MINDY3: variants seen among roughly 807,000 people sequenced by gnomAD.
The protein encoded by MINDY3 is MINDY lysine 48 deubiquitinase 3.
Under a neutral mutation model 69.2 loss-of-function variants are expected in MINDY3, and 38 were observed. The observed-to-expected ratio is 0.55, with a 90% CI of 0.42 to 0.72. The LOEUF is 0.72. Among genes scored for constraint, MINDY3 ranks in the 30% least tolerant of loss-of-function variants. The pLI is 0.00. For missense variants in MINDY3, 522 were observed against 519.0 expected (o/e 1.01, Z -0.06); for synonymous variants, 192 against 180.1 (o/e 1.07, Z -0.53).
intron 13 of MINDY3, among the ~76,000 whole-genome samples, chr10:15,785,593 T>C (rs1242731720): frequency 6.6e-6 from 1 of 152,106 alleles, no homozygotes; most frequent in African/African-American, 2.4e-5. Context: ...AAGGGTCTAA[T>C]GTCGGACAAT....
intron 10 of MINDY3, among the ~76,000 whole-genome samples, chr10:15,811,962 G>C (rs1839032360): frequency 6.6e-6 from 1 of 150,996 alleles, no homozygotes; most frequent in African/African-American, 2.4e-5. Context: ...TTTTTTTTGA[G>C]ATGGAGTCTT....
intron 1 of MINDY3, among the ~76,000 whole-genome samples, chr10:15,856,734 T>C (rs969079526): frequency 6.6e-6 from 1 of 152,160 alleles, no homozygotes; most frequent in Non-Finnish European, 1.5e-5. Flanking sequence ...CAATCAATAT[T>C]GAAAAGAAAA....
chr10:15,781,612 T>C (rs954356981), intron 14 of MINDY3, among the ~76,000 whole-genome samples: 22 of 152,116 alleles, frequency 1.4e-4, no homozygotes, highest in African/African-American at 5.3e-4. Flanking sequence ...GCATGGTCTC[T>C]GAGCTGGACT....
chr10:15,854,031 T>C (rs751765657), intron 1 of MINDY3, among the ~76,000 whole-genome samples: 16 of 152,228 alleles, frequency 1.1e-4, no homozygotes, highest in Admixed American at 4.6e-4. Flanking sequence ...ACTTGGAAGA[T>C]TGTCATAAAC....
intron 11 of MINDY3, among the ~76,000 whole-genome samples, chr10:15,795,218 A>G (rs1378215083): frequency 1.3e-5 from 2 of 152,070 alleles, no homozygotes; most frequent in African/African-American, 4.8e-5. Flanking sequence ...AACTAGTTAC[A>G]GTTGTTCTAA....
chr10:15,820,592 G>A lies in MINDY3; in HGVS notation c.801+1064C>T, dbSNP rs187249575. On this transcript the variant is annotated intron_variant, in intron 9 of 14. Coordinates refer to ENST00000277632, the MANE Select transcript of MINDY3 (RefSeq NM_024948.4). ...TTTAGTTTACACAATTAAAGTCACC[G>A]AAGATAAAAGTCACTGAAAATACTG... Among the ~76,000 whole-genome samples, 603 of 152,242 alleles carry A rather than the reference G, an allele frequency of 4.0e-3. 3 individuals are homozygous for A. The highest frequency in any genetic ancestry group is 0.015 in the Admixed American group (236 of 15,276).
rs78547190 is a variant in MINDY3 at position 15,786,653 on chromosome 10, G to A, written c.1029-5C>T. On this transcript the variant is annotated splice_region_variant and splice_polypyrimidine_tract_variant and intron_variant, in intron 12 of 14. Coordinates refer to ENST00000277632, the MANE Select transcript of MINDY3 (RefSeq NM_024948.4). ...TTATTCTTCATGAGATTTATACTAC[G>A]GGGAGAAAGAAGAAAAACAGTGGAT... 8.4e-4 allele frequency: 1,285 copies of A among 1,523,856 alleles called. 3 individuals carry two copies. In the African/African-American group the frequency reaches 0.013, roughly 16 times the overall value. The allele number at this position is 1,523,856 out of a possible 1,614,324, so 94.4% of individuals were successfully genotyped here. A position where few individuals can be genotyped will look rare whatever the true frequency, so the allele number is the denominator to read the frequency against.
At chr10:15,793,591 A>C (rs936526825) in intron 11 of MINDY3, among the ~76,000 whole-genome samples, 5 of 152,108 alleles carry the variant, frequency 3.3e-5, no homozygotes, top group Admixed American at 3.3e-4. Context: ...GTACCTTTTT[A>C]TGACTTTAGC....
intron 13 of MINDY3, among the ~76,000 whole-genome samples, chr10:15,783,001 A>C (rs1465063223): frequency 6.6e-6 from 1 of 152,156 alleles, no homozygotes; most frequent in Non-Finnish European, 1.5e-5. Context: ...GCCTGGATAG[A>C]TCCCCCTTGT....
intron 11 of MINDY3, 105 bp from the exon 12 acceptor site, chr10:15,789,424 A>C: frequency 1.3e-6 from 1 of 780,452 alleles, no homozygotes; most frequent in African/African-American, 1.7e-5. Context: ...AAAAAATACA[A>C]AGAGTTAACA....
In MINDY3 at chr10:15,860,211, G is replaced by A; in HGVS notation, c.89C>T (p.Thr30Met). The A allele has an allele frequency of 1.2e-6, 2 of 1,606,576 alleles. No homozygotes were observed. Among genetic ancestry groups the A allele is most frequent in the South Asian group, 2.2e-5 (2 of 89,488 alleles). ...GLSDTIFCRW[T>M]QGFVFSESEG... is the part of the protein sequence containing the mutation. ...TGAGAGCCCCGCCAGGGTACCTTGCGTCCAGCGGCAGAAAATGGTGTCCGA... is the reference window on the plus strand; with the variant it reads ...TGAGAGCCCCGCCAGGGTACCTTGCATCCAGCGGCAGAAAATGGTGTCCGA... The change falls in exon 1 of 15, where the codon ACG (threonine) becomes ATG (methionine). Residue 30 changes from threonine to methionine, a missense_variant. Coordinates refer to ENST00000277632, the MANE Select transcript of MINDY3 (RefSeq NM_024948.4).
At chr10:15,824,567 G>C (rs1433356125) in intron 8 of MINDY3, among the ~76,000 whole-genome samples, 23 of 152,064 alleles carry the variant, frequency 1.5e-4, no homozygotes, top group Admixed American at 1.5e-3. Context: ...AGCCCAAATA[G>C]GTATAAATGG....
chr10:15,804,830 C>T (rs891348837), intron 10 of MINDY3, among the ~76,000 whole-genome samples: 1 of 151,946 alleles, frequency 6.6e-6, no homozygotes, highest in African/African-American at 2.4e-5. Flanking sequence ...TCAGTTAATC[C>T]CAATACCTGA....
Position 15,843,219 on chromosome 10 carries a change from A to G in MINDY3, c.228T>C (p.Asp76=). 1 of 1,612,814 alleles carries G rather than the reference A, an allele frequency of 6.2e-7. No individual in the cohort carries two copies. Among genetic ancestry groups the G allele is most frequent in the Non-Finnish European group, 8.5e-7 (1 of 1,178,922 alleles). The part of the protein sequence containing the change: ...LFSSEKSSWR[D]CSEEEQKELL... The stretch of plus-strand genomic sequence containing the variant: ...AAAAGACAGCTATCATACCTGAACA[A>G]TCCCGCCAAGAAGACTTCTCCGAAG... Residue 76 remains aspartate (D), a synonymous_variant, in exon 3 of 15, where the codon GAT becomes GAC. Coordinates refer to ENST00000277632, the MANE Select transcript of MINDY3 (RefSeq NM_024948.4).
chr10:15,779,163 C>T, intron 14 of MINDY3, 22 bp from the exon 15 acceptor site: 1 of 1,605,418 alleles, frequency 6.2e-7, no homozygotes. Context: ...AATAAAGCCA[C>T]CAAGGTCAAG....
At chr10:15,813,846 C>T (rs1302659622) in intron 10 of MINDY3, among the ~76,000 whole-genome samples, 1 of 151,884 alleles carries the variant, frequency 6.6e-6, no homozygotes, top group African/African-American at 2.4e-5. Flanking sequence ...GAAGTCAGCA[C>T]ATGAAATACA....
chr10:15,826,768 C>G (rs1840110859), intron 8 of MINDY3, among the ~76,000 whole-genome samples: 1 of 151,840 alleles, frequency 6.6e-6, no homozygotes, highest in Admixed American at 6.6e-5. Context: ...AAAATGTGTT[C>G]AACAAAAAAC....
At chr10:15,789,066 T>TAA (rs1837209543) in intron 12 of MINDY3, 181 bp downstream of exon 12, 2 of 424,292 alleles carry the variant, frequency 4.7e-6, no homozygotes, top group Non-Finnish European at 8.5e-6. Flanking sequence ...AAACTCAATT[T>TAA]AAGTATGTCA....
At chr10:15,791,438 A>G (rs984003508) in intron 11 of MINDY3, among the ~76,000 whole-genome samples, 4 of 152,004 alleles carry the variant, frequency 2.6e-5, no homozygotes, top group Non-Finnish European at 5.9e-5. Flanking sequence ...CCATTTGATT[A>G]GTCAAGCAGA....
Sources: gnomAD v4.1 joint callset for allele counts (sites outside exome capture counted in the v4.1 genomes callset) on GRCh38, gnomAD v4.1.1 for gene constraint, MANE v1.5 for transcripts, NCBI Gene and HGNC (gene_info 2026-07-23, HGNC 2026-07-21) for gene names.